Variants in PEX7 observed in about 807,000 individuals in gnomAD.
PEX7 encodes peroxisomal biogenesis factor 7, also known as PTS2 receptor.
PEX7 carries 34 observed loss-of-function variants against 47.5 expected under a neutral mutation model. That is an observed-to-expected ratio of 0.72 (90% CI 0.54 to 0.95). The LOEUF is 0.95. Among genes scored for constraint, PEX7 ranks in the 40% least tolerant of loss-of-function variants. PEX7 has a pLI of 0.00. For missense variants in PEX7, 394 were observed against 400.3 expected, an observed-to-expected ratio of 0.98 and a Z score of 0.13; for synonymous variants, 141 against 148.8, an observed-to-expected ratio of 0.95 and a Z score of 0.38.
intron 5 of PEX7, among the ~76,000 whole-genome samples, chr6:136,853,040 G>A (rs1455472634): frequency 1.3e-5 from 2 of 150,500 alleles, no homozygotes; most frequent in Non-Finnish European, 3.0e-5. Context: ...TGACAAACCT[G>A]AGAAAAACAA....
intron 3 of PEX7, among the ~76,000 whole-genome samples, chr6:136,837,271 A>G (rs1582739543): frequency 6.9e-6 from 1 of 144,460 alleles, no homozygotes; most frequent in South Asian, 2.2e-4. Context: ...CTGAGGCGGG[A>G]GAATGGCGTG....
At chr6:136,858,418 A>G (rs1582752441) in intron 5 of PEX7, among the ~76,000 whole-genome samples, 1 of 152,322 alleles carries the variant, frequency 6.6e-6, no homozygotes, top group Non-Finnish European at 1.5e-5. Flanking sequence ...AATTTGCTCT[A>G]GGTAGACGCT....
chr6:136,876,791 A>G (rs901417127), intron 8 of PEX7, among the ~76,000 whole-genome samples: 15 of 152,218 alleles, frequency 9.9e-5, no homozygotes, highest in Non-Finnish European at 2.9e-5. Context: ...CAGTGCTGCA[A>G]TAAACATATG....
At chr6:136,877,650 T>G (rs1775299081) in intron 8 of PEX7, among the ~76,000 whole-genome samples, 2 of 152,218 alleles carry the variant, frequency 1.3e-5, no homozygotes, top group South Asian at 4.1e-4. Context: ...TTCTGAGGCC[T>G]CCTTTCTCTT....
intron 3 of PEX7, among the ~76,000 whole-genome samples, chr6:136,838,441 G>A (rs1367810463): frequency 6.6e-6 from 1 of 152,240 alleles, no homozygotes; most frequent in Non-Finnish European, 1.5e-5. Flanking sequence ...GGCAGAAAGA[G>A]CAAGGTGTCA....
chr6:136,858,645 T>C (rs1774905128), intron 5 of PEX7, among the ~76,000 whole-genome samples: 1 of 152,224 alleles, frequency 6.6e-6, no homozygotes, highest in African/African-American at 2.4e-5. Context: ...TACTAGTCTA[T>C]GGAATAGCTG....
chr6:136,822,714 C>T lies in PEX7; in HGVS notation c.49C>T (p.Arg17Cys). The change falls in exon 1 of 10, where the codon CGC becomes TGC. Residue 17 changes from arginine (R) to cysteine (C), a missense_variant. Physicochemically the swap from Arg to Cys is radical, Grantham distance 180 (BLOSUM62 -3). Transcript: ENST00000318471. ...GGCGCGGATGCTGCGGACGCCGGGA[C>T]GCCACGGCTACGCCGCCGAGTTCTC... ...GAARMLRTPG[R>C]HGYAAEFSPY... The T allele has an allele frequency of 6.6e-7, 1 of 1,516,296 alleles. No individual in the cohort carries two copies. 93.9% of individuals were successfully genotyped at this position (1,516,296 alleles called of 1,614,324 possible). A position where few individuals can be genotyped will look rare whatever the true frequency, so the allele number is the denominator to read the frequency against.
chr6:136,837,714 A>G (rs912407142), intron 3 of PEX7, among the ~76,000 whole-genome samples: 30 of 152,276 alleles, frequency 2.0e-4, no homozygotes, highest in African/African-American at 6.5e-4. Context: ...CGCTGGAGAC[A>G]TATCAAAGGT....
intron 8 of PEX7, among the ~76,000 whole-genome samples, chr6:136,875,529 G>A (rs1003857058): frequency 1.3e-5 from 2 of 152,090 alleles, no homozygotes; most frequent in African/African-American, 4.8e-5. Context: ...TAGTCATTCT[G>A]TTCTATGGAA....
intron 9 of PEX7, among the ~76,000 whole-genome samples, chr6:136,907,514 T>C (rs58699346): frequency 0.044 from 6,660 of 152,162 alleles, 293 homozygotes; most frequent in African/African-American, 0.11. Flanking sequence ...TCTGTATCTT[T>C]CTGCCTGTTT....
At chr6:136,833,706 T>C (rs953025441) in intron 3 of PEX7, among the ~76,000 whole-genome samples, 1 of 152,264 alleles carries the variant, frequency 6.6e-6, no homozygotes, top group African/African-American at 2.4e-5. Context: ...AAAAATAGTT[T>C]CTAGTTAGAT....
At position 136,900,332 on chromosome 6, in the gene PEX7, T is replaced by A; in HGVS notation, c.903+2091T>A. 5.1e-6 allele frequency: 1 copy of A among 195,548 alleles called. No homozygotes were observed. The highest frequency in any genetic ancestry group is 1.4e-4 in the East Asian group (1 of 7,168). 12.1% of individuals were successfully genotyped at this position (195,548 alleles called of 1,614,324 possible). On this transcript the variant is annotated intron_variant, in intron 9 of 9. Coordinates refer to ENST00000318471, the MANE Select transcript of PEX7 (RefSeq NM_000288.4). The surrounding 1 kb of genome is among the most constrained non-coding windows in gnomAD (Gnocchi z 4.2). ...TATATATTTTTCAAAGGATAATTTGTATTATTTTAATTATTTTTATGTACA... is the reference window on the plus strand; with the variant it reads ...TATATATTTTTCAAAGGATAATTTGAATTATTTTAATTATTTTTATGTACA...
intron 1 of PEX7, chr6:136,823,283 C>T: frequency 1.0e-6 from 1 of 985,428 alleles, no homozygotes; most frequent in Non-Finnish European, 1.2e-6. Context: ...GACGATGCTC[C>T]TGAATGGACG....
Position 136,909,782 on chromosome 6 carries a change from G to A in PEX7, c.904-3676G>A, listed in dbSNP as rs571903570. ...AGATTTATGAACATTTGCTGAATCA[G>A]TGGCCTTGACATTTGGTAGTTATTA... is the stretch of plus-strand genomic sequence containing the variant. On this transcript the variant is annotated intron_variant, in intron 9 of 9. Transcript: ENST00000318471. Among the ~76,000 whole-genome samples, 3 of 152,230 alleles carry A rather than the reference G, an allele frequency of 2.0e-5. No individual in the cohort carries two copies. The South Asian group carries it at 6.2e-4, about 32-fold the overall frequency.
At chr6:136,870,652 C>G (rs1202953343) in intron 7 of PEX7, 3 of 272,316 alleles carry the variant, frequency 1.1e-5, no homozygotes, top group Non-Finnish European at 2.2e-5. Context: ...AAAAAAGTAC[C>G]TTATTGATTA....
At chr6:136,906,688 G>A (rs1775850253) in intron 9 of PEX7, among the ~76,000 whole-genome samples, 1 of 152,134 alleles carries the variant, frequency 6.6e-6, no homozygotes, top group East Asian at 1.9e-4. Context: ...TAAGGCATTT[G>A]TCATCCAATG....
chr6:136,837,359 C>CCCAAAAAAAAAAAAA (rs1774407459), intron 3 of PEX7, among the ~76,000 whole-genome samples: 1 of 20,720 alleles, frequency 4.8e-5, no homozygotes, highest in Admixed American at 6.3e-4. Flanking sequence ...GAGAGTCTGT[C>CCCAAAAAAAAAAAAA]ACAAAAAAAA....
chr6:136,823,153 G>A, intron 1 of PEX7: 1 of 985,378 alleles, frequency 1.0e-6, no homozygotes, highest in African/African-American at 1.7e-5. Context: ...CGGTCCGCTC[G>A]GCACAGCAGT....
chr6:136,871,582 A>G (rs1775182339), intron 7 of PEX7, among the ~76,000 whole-genome samples: 1 of 152,110 alleles, frequency 6.6e-6, no homozygotes, highest in Non-Finnish European at 1.5e-5. Context: ...TTTTTGAGCC[A>G]GAGTCTCTCT....
Sources: gnomAD v4.1 joint callset for allele counts (sites outside exome capture counted in the v4.1 genomes callset) on GRCh38, gnomAD v4.1.1 for gene constraint, Gnocchi (gnomAD v3.1) non-coding constraint, MANE v1.5 for transcripts, NCBI Gene and HGNC (gene_info 2026-07-23, HGNC 2026-07-21) for gene names.